CAPZB: variants seen among roughly 807,000 people sequenced by gnomAD.
The protein encoded by CAPZB is capping actin protein of muscle Z-line subunit beta, also known as F-actin-capping protein subunit beta.
Under a neutral mutation model 38.1 loss-of-function variants are expected in CAPZB, and 2 were observed. The observed-to-expected ratio is 0.05, with a 90% CI of 0.02 to 0.17. The LOEUF is 0.17. Among genes scored for constraint, CAPZB ranks in the 10% least tolerant of loss-of-function variants. CAPZB has a pLI of 1.00. For synonymous variants in CAPZB, 107 were observed against 127.4 expected, an observed-to-expected ratio of 0.84 and a Z score of 1.08; for missense variants, 161 against 334.2, an observed-to-expected ratio of 0.48 and a Z score of 4.04.
chr1:19,482,335 T>G (rs954075402), intron 1 of CAPZB, among the ~76,000 whole-genome samples: 1 of 152,220 alleles, frequency 6.6e-6, no homozygotes, highest in Non-Finnish European at 1.5e-5. Context: ...GAACAATGTG[T>G]CTTATCCACA....
At chr1:19,420,051 C>A in intron 1 of CAPZB, 1 of 334,544 alleles carries the variant, frequency 3.0e-6, no homozygotes, top group Non-Finnish European at 5.5e-6. Flanking sequence ...GCTCAACAGG[C>A]CCTGGTGGCT....
At chr1:19,360,082 T>C (rs2094044756) in intron 4 of CAPZB, among the ~76,000 whole-genome samples, 1 of 152,322 alleles carries the variant, frequency 6.6e-6, no homozygotes, top group Middle Eastern at 3.4e-3. Flanking sequence ...GGACTGCCCC[T>C]GCTGGACCTG....
chr1:19,365,911 G>A (rs1263890725), intron 4 of CAPZB, among the ~76,000 whole-genome samples: 2 of 152,164 alleles, frequency 1.3e-5, no homozygotes, highest in South Asian at 2.1e-4. Context: ...AACACAGGAG[G>A]TGGGGCTGGC....
At chr1:19,404,718 A>G (rs1388911286) in intron 2 of CAPZB, among the ~76,000 whole-genome samples, 2 of 152,110 alleles carry the variant, frequency 1.3e-5, no homozygotes, top group African/African-American at 4.8e-5. Context: ...GCTGCTTTTG[A>G]CAAGGGGCAC....
chr1:19,451,980 C>T (rs2094517734), intron 1 of CAPZB, among the ~76,000 whole-genome samples: 1 of 152,094 alleles, frequency 6.6e-6, no homozygotes, highest in African/African-American at 2.4e-5. Flanking sequence ...TTTCTCTCCA[C>T]CCAAGTACCA....
At chr1:19,466,831 C>T (rs145583276) in intron 1 of CAPZB, among the ~76,000 whole-genome samples, 3 of 152,256 alleles carry the variant, frequency 2.0e-5, no homozygotes, top group African/African-American at 4.8e-5. Context: ...ATAACTAGCA[C>T]ATCAAACATG....
chr1:19,350,599 G>GTA (rs2093986445), intron 6 of CAPZB, among the ~76,000 whole-genome samples: 2 of 121,132 alleles, frequency 1.7e-5, no homozygotes, highest in African/African-American at 3.5e-5. Flanking sequence ...CAAGATATAT[G>GTA]GTAGTAGCAG....
rs185278992 is a variant in CAPZB, at chr1:19,392,773, A to G, written c.94-7147T>C. On this transcript the variant is annotated intron_variant, in intron 2 of 8. Coordinates refer to ENST00000264202, the MANE Select transcript of CAPZB (RefSeq NM_004930.5). Reference sequence around the variant, plus strand: ...ACCACAGTACTCCAGCCTGGGTGACAGAGTAAGAACCTGACTCAAGAAAAA... The same window carrying G: ...ACCACAGTACTCCAGCCTGGGTGACGGAGTAAGAACCTGACTCAAGAAAAA... 3.9e-4 allele frequency among the ~76,000 whole-genome samples: 59 copies of G among 152,338 alleles called. 1 individual carries two copies. The East Asian group carries it at 0.01, about 27-fold the overall frequency.
At chr1:19,441,844 C>T (rs781576802) in intron 1 of CAPZB, among the ~76,000 whole-genome samples, 1 of 151,874 alleles carries the variant, frequency 6.6e-6, no homozygotes, top group Non-Finnish European at 1.5e-5. Context: ...CCCATCTCTA[C>T]CAAAAGTACA....
intron 1 of CAPZB, among the ~76,000 whole-genome samples, chr1:19,474,158 G>A (rs2094599202): frequency 6.6e-6 from 1 of 152,008 alleles, no homozygotes; most frequent in Non-Finnish European, 1.5e-5. Context: ...ACCACATTTG[G>A]CTAATTTTTG....
intron 1 of CAPZB, among the ~76,000 whole-genome samples, chr1:19,481,698 G>A (rs922422965): frequency 6.6e-6 from 1 of 152,180 alleles, no homozygotes; most frequent in African/African-American, 2.4e-5. Flanking sequence ...CTGCGTGCAC[G>A]TGCAATCCAA....
At chr1:19,394,713 C>G (rs565737481) in intron 2 of CAPZB, among the ~76,000 whole-genome samples, 23 of 152,168 alleles carry the variant, frequency 1.5e-4, no homozygotes, top group African/African-American at 5.5e-4. Flanking sequence ...AAGACTCTGT[C>G]TCAAAATACA....
At chr1:19,378,145 G>T (rs916746585) in intron 4 of CAPZB, among the ~76,000 whole-genome samples, 2 of 152,200 alleles carry the variant, frequency 1.3e-5, no homozygotes, top group Non-Finnish European at 2.9e-5. Flanking sequence ...GAGAAACGAG[G>T]ACTAAACTAG....
At chr1:19,472,384 G>A (rs978372509) in intron 1 of CAPZB, among the ~76,000 whole-genome samples, 6 of 152,284 alleles carry the variant, frequency 3.9e-5, no homozygotes, top group Non-Finnish European at 5.9e-5. Context: ...ATAACCTGTC[G>A]GTTATGTAGG....
Position 19,351,116 on chromosome 1 carries a change from G to A in CAPZB, c.588+5519C>T, listed in dbSNP as rs569605603. On this transcript the variant is annotated intron_variant, in intron 6 of 8. Coordinates refer to ENST00000264202, the MANE Select transcript of CAPZB (RefSeq NM_004930.5). ...TCCTGCCTCAGCCTCCTGAGTAGCT[G>A]AGATTACAGGTGCATGCCACCACAC... Among the ~76,000 whole-genome samples the A allele has an allele frequency of 2.0e-3, 310 of 151,700 alleles. 5 individuals are homozygous for A. The highest frequency in any genetic ancestry group is 7.0e-3 in the African/African-American group (291 of 41,294).
chr1:19,427,931 T>C (rs944549796), intron 1 of CAPZB, among the ~76,000 whole-genome samples: 1 of 152,246 alleles, frequency 6.6e-6, no homozygotes, highest in African/African-American at 2.4e-5. Flanking sequence ...TTAAAAACCA[T>C]GCAACATAAA....
intron 3 of CAPZB, among the ~76,000 whole-genome samples, chr1:19,381,497 G>A (rs1420114200): frequency 6.6e-6 from 1 of 152,106 alleles, no homozygotes; most frequent in Non-Finnish European, 1.5e-5. Context: ...GGGGAATTCT[G>A]CTGGTGTTCC....
chr1:19,386,849 C>G (rs1335558233), intron 2 of CAPZB, among the ~76,000 whole-genome samples: 1 of 152,172 alleles, frequency 6.6e-6, no homozygotes, highest in Non-Finnish European at 1.5e-5. Flanking sequence ...GGGGACAGTA[C>G]CCAAAGAGAT....
At chr1:19,341,343 G>T (rs763285614) in intron 8 of CAPZB, among the ~76,000 whole-genome samples, 2 of 152,184 alleles carry the variant, frequency 1.3e-5, no homozygotes, top group Admixed American at 6.5e-5. Context: ...AGATGCGGCG[G>T]GCAAAGCAGC....
Sources: gnomAD v4.1 joint callset for allele counts (sites outside exome capture counted in the v4.1 genomes callset) on GRCh38, gnomAD v4.1.1 for gene constraint, MANE v1.5 for transcripts, NCBI Gene and HGNC (gene_info 2026-07-23, HGNC 2026-07-21) for gene names.